The following USP24 variants were observed in gnomAD, a reference collection of about 807,000 sequenced individuals.
USP24 encodes ubiquitin carboxyl-terminal hydrolase 24.
In USP24, 97 loss-of-function variants were observed where a neutral mutation model predicts 361.6. The ratio of observed to expected loss-of-function variants is 0.27; its 90% CI spans 0.23 to 0.32. The LOEUF (loss-of-function observed/expected upper bound fraction) is 0.32. Ranked by LOEUF, USP24 falls within the 10% of genes least tolerant of loss-of-function variation. The pLI is 1.00. For missense variants in USP24, 2,353 were observed against 3,165.6 expected (o/e 0.74, Z 6.16); for synonymous variants, 1,098 against 1,124.6 (o/e 0.98, Z 0.47).
chr1:55,143,632 CTT>C (rs200083233), intron 21 of USP24, among the ~76,000 whole-genome samples: 3 of 145,378 alleles, frequency 2.1e-5, no homozygotes, highest in Admixed American at 1.4e-4. Context: ...GTTAATAAGC[CTT>C]TTTTTTTTTT....
chr1:55,125,198 C>A, intron 34 of USP24, 122 bp downstream of exon 34: 1 of 885,712 alleles, frequency 1.1e-6, no homozygotes, highest in East Asian at 2.6e-5. Flanking sequence ...TTTAAGTCAC[C>A]ATAAATTTCT....
rs17410294 is a variant in USP24 at position 55,072,789 on chromosome 1, C to T, written c.7599G>A (p.Lys2533=). ...HWSWAVQWLQ[K]KMSEHYWTPQ... Reference sequence around the variant, plus strand: ...GAAAAATTCAATGTTCAGTTACCTTCTTCTGTAGCCACTGCACAGCCCAGC... The same window carrying T: ...GAAAAATTCAATGTTCAGTTACCTTTTTCTGTAGCCACTGCACAGCCCAGC... Residue 2533 remains lysine, a synonymous_variant, in exon 65 of 68, where the codon AAG becomes AAA. Transcript: ENST00000294383. 0.14 allele frequency: 229,544 copies of T among 1,596,290 alleles called. 17,900 individuals are homozygous for T. The highest frequency in any genetic ancestry group is 0.16 in the Non-Finnish European group (189,801 of 1,170,872).
chr1:55,206,637 T>C (rs1250833888), intron 1 of USP24, among the ~76,000 whole-genome samples: 2 of 124,626 alleles, frequency 1.6e-5, no homozygotes, highest in East Asian at 2.2e-4. Flanking sequence ...CTTGTGCCAG[T>C]GAATGGCAGA....
Position 55,213,564 on chromosome 1 carries a change from G to T in USP24, c.324+1226C>A, listed in dbSNP as rs541099109. Among the ~76,000 whole-genome samples the T allele has an allele frequency of 1.1e-4, 16 of 152,258 alleles. No individual in the cohort carries two copies. The South Asian group carries it at 2.9e-3, about 28-fold the overall frequency. ...TCTTCATTAAGAACGAACCAAATTCGTATCTCTACCTAATAACGCAATCCC... is the reference window on the plus strand; with the variant it reads ...TCTTCATTAAGAACGAACCAAATTCTTATCTCTACCTAATAACGCAATCCC... On this transcript the variant is annotated intron_variant, in intron 1 of 67. Transcript: ENST00000294383.
intron 34 of USP24, among the ~76,000 whole-genome samples, 168 bp from the exon 35 acceptor site, chr1:55,124,796 C>CT (rs764794309): frequency 3.3e-5 from 5 of 152,158 alleles, no homozygotes; most frequent in Non-Finnish European, 7.3e-5. Context: ...TTCAATCTCT[C>CT]TTTTTTATCT....
At chr1:55,176,691 T>C (rs767368371) in intron 2 of USP24, among the ~76,000 whole-genome samples, 36 of 152,164 alleles carry the variant, frequency 2.4e-4, no homozygotes, top group Non-Finnish European at 4.9e-4. Context: ...ATTAAATAAA[T>C]ACCAATTGAA....
intron 1 of USP24, among the ~76,000 whole-genome samples, chr1:55,203,804 T>C (rs1364737999): frequency 2.6e-5 from 4 of 152,128 alleles, no homozygotes; most frequent in Non-Finnish European, 5.9e-5. Context: ...CATGAACCAA[T>C]TGTTTTAATG....
At chr1:55,085,165 C>T (rs924690223) in intron 56 of USP24, among the ~76,000 whole-genome samples, 6 of 152,014 alleles carry the variant, frequency 3.9e-5, no homozygotes, top group Non-Finnish European at 8.8e-5. Flanking sequence ...CCTAATGATT[C>T]CCGGAATTGA....
At chr1:55,193,414 G>A (rs954961089) in intron 1 of USP24, among the ~76,000 whole-genome samples, 1 of 152,190 alleles carries the variant, frequency 6.6e-6, no homozygotes, top group Non-Finnish European at 1.5e-5. Flanking sequence ...AGAAGAGGTT[G>A]TCCTATAATC....
At chr1:55,142,622 T>C (rs1646921311) in intron 23 of USP24, 120 bp downstream of exon 23, 4 of 734,256 alleles carry the variant, frequency 5.4e-6, no homozygotes, top group Non-Finnish European at 8.7e-6. Context: ...GTACTGTTGA[T>C]AAATTCTTCA....
Position 55,137,875 on chromosome 1 carries a change from G to C in USP24, c.2958C>G (p.Val986=), listed in dbSNP as rs1230165988. 6.3e-7 allele frequency: 1 copy of C among 1,594,356 alleles called. No homozygotes were observed. The highest frequency in any genetic ancestry group is 8.6e-7 in the Non-Finnish European group (1 of 1,169,336). The change falls in exon 27 of 68, where the codon GTC becomes GTG. Residue 986 remains valine, a synonymous_variant. Transcript: ENST00000294383. ...EAHSNETIGS[V]RWKIAKQLCS... ...ACAACTGCTTGGCTATTTTCCACCG[G>C]ACACTCCCTATGGTTTCATTACTGT...
At chr1:55,154,849 C>T (rs1647465882) in intron 12 of USP24, 71 bp from the exon 13 acceptor site, 2 of 1,155,644 alleles carry the variant, frequency 1.7e-6, no homozygotes, top group Admixed American at 4.7e-5. Context: ...CCCCTGGCAA[C>T]TTACAGAAGC....
chr1:55,100,990 C>T lies in USP24; in HGVS notation c.5146-26G>A, dbSNP rs185231286. 3.7e-4 allele frequency: 600 copies of T among 1,601,218 alleles called. 3 individuals are homozygous for T. The Middle Eastern group carries it at 4.2e-3, about 11-fold the overall frequency. ...CTGCACAGAAAAGAAACATATCAAG[C>T]TTGAAATATTTAAAATGCTTCACAG... On this transcript the variant is annotated intron_variant, in intron 43 of 67. Transcript: ENST00000294383.
intron 15 of USP24, 25 bp from the exon 16 acceptor site, chr1:55,153,942 A>G (rs1298414121): frequency 7.1e-6 from 11 of 1,549,720 alleles, no homozygotes; most frequent in Admixed American, 3.9e-5. Context: ...TAAGAGAAAT[A>G]TAAGTGACTT....
At chr1:55,150,526 C>T (rs1647164668) in intron 16 of USP24, among the ~76,000 whole-genome samples, 1 of 152,142 alleles carries the variant, frequency 6.6e-6, no homozygotes, top group Admixed American at 6.5e-5. Flanking sequence ...TATATCCAAA[C>T]AGATACCTTC....
chr1:55,209,531 G>T (rs1019678954), intron 1 of USP24, among the ~76,000 whole-genome samples: 1 of 152,138 alleles, frequency 6.6e-6, no homozygotes, highest in Admixed American at 6.5e-5. Context: ...ATTGTCAAAT[G>T]AGCTTGTCTC....
chr1:55,107,193 C>G (rs749163741), intron 40 of USP24, 46 bp downstream of exon 40: 6 of 1,573,944 alleles, frequency 3.8e-6, no homozygotes, highest in South Asian at 3.6e-5. Flanking sequence ...TGGCAATAAC[C>G]GAGCACTGAA....
chr1:55,107,562 G>T, intron 39 of USP24, 132 bp from the exon 40 acceptor site: 5 of 1,104,480 alleles, frequency 4.5e-6, no homozygotes, highest in Non-Finnish European at 6.2e-6. Context: ...CTATCATTAA[G>T]GCCAGGCGAG....
chr1:55,143,883 A>G (rs904423512), intron 21 of USP24, among the ~76,000 whole-genome samples: 1 of 152,124 alleles, frequency 6.6e-6, no homozygotes, highest in Non-Finnish European at 1.5e-5. Context: ...ATCAGCCAGA[A>G]ACAGAGAGAT....
Sources: allele counts gnomAD v4.1 joint callset (sites outside exome capture counted in the v4.1 genomes callset), GRCh38; gene constraint gnomAD v4.1.1; transcripts MANE v1.5; gene names NCBI Gene and HGNC (gene_info 2026-07-23, HGNC 2026-07-21).